TANK: variants seen among roughly 807,000 people sequenced by gnomAD.
TANK encodes the protein TRAF family member-associated NF-kappa-B activator.
In TANK, 15 loss-of-function variants were observed where a neutral mutation model predicts 43.6. The observed-to-expected ratio is 0.34, with a 90% CI of 0.23 to 0.53. The LOEUF (loss-of-function observed/expected upper bound fraction) is 0.53, where lower values mean the gene tolerates loss of function less well. Ranked by LOEUF, TANK falls within the 20% of genes least tolerant of loss-of-function variation. TANK has a pLI of 0.94. For missense variants in TANK, 417 were observed against 498.6 expected, an observed-to-expected ratio of 0.84 and a Z score of 1.56; for synonymous variants, 162 against 178.2, an observed-to-expected ratio of 0.91 and a Z score of 0.73.
At chr2:161,163,381 G>A (rs889169906) in intron 1 of TANK, 1 of 152,160 alleles carries the variant, frequency 6.6e-6, no homozygotes, top group African/African-American at 2.4e-5. Context: ...ACTAAGAACA[G>A]CTGCTGTACT....
chr2:161,159,923 T>C (rs1401863743), upstream of TANK, among the ~76,000 whole-genome samples: 1 of 152,156 alleles, frequency 6.6e-6, no homozygotes, highest in African/African-American at 2.4e-5. Flanking sequence ...ATATGTAGTG[T>C]TTCTCAGAGT....
intron 4 of TANK, among the ~76,000 whole-genome samples, chr2:161,205,703 C>T (rs1483007963): frequency 2.0e-5 from 3 of 152,018 alleles, no homozygotes. Flanking sequence ...ATTAATTTGC[C>T]TAAATTTCAA....
intron 4 of TANK, among the ~76,000 whole-genome samples, chr2:161,222,402 T>C (rs1687392663): frequency 6.6e-6 from 1 of 152,138 alleles, no homozygotes; most frequent in African/African-American, 2.4e-5. Context: ...TTATCAAATA[T>C]AAGTATTTTC....
chr2:161,170,850 T>C (rs1344778070), intron 1 of TANK, among the ~76,000 whole-genome samples: 1 of 152,238 alleles, frequency 6.6e-6, no homozygotes, highest in African/African-American at 2.4e-5. Flanking sequence ...ATGTATTGTA[T>C]ACTTCAACTC....
chr2:161,210,710 A>C (rs1031643057), intron 4 of TANK, among the ~76,000 whole-genome samples: 3 of 151,930 alleles, frequency 2.0e-5, no homozygotes, highest in Non-Finnish European at 2.9e-5. Flanking sequence ...AAAAAAAAAA[A>C]AAAAGAAATT....
intron 1 of TANK, among the ~76,000 whole-genome samples, chr2:161,164,367 A>G (rs978145985): frequency 2.0e-5 from 3 of 152,070 alleles, no homozygotes; most frequent in Non-Finnish European, 4.4e-5. Flanking sequence ...TTCCTGTAGG[A>G]TTTATGCTGT....
At chr2:161,205,411 A>G (rs1000881175) in intron 4 of TANK, among the ~76,000 whole-genome samples, 6 of 152,074 alleles carry the variant, frequency 3.9e-5, no homozygotes, top group African/African-American at 1.4e-4. Flanking sequence ...TATATAAACA[A>G]TGAAATAAAA....
chr2:161,230,972 A>T lies in TANK; in HGVS notation c.522A>T (p.Glu174Asp), dbSNP rs1386558729. 6.2e-7 allele frequency: 1 copy of T among 1,612,662 alleles called. No individual in the cohort carries two copies. The highest frequency in any genetic ancestry group is 8.5e-7 in the Non-Finnish European group (1 of 1,178,918). ...TCTTTTGTGTTCTTCTCCCTCCAGAAACACAGTGCTCTGTGCCTATACAGT... is the reference window on the plus strand; with the variant it reads ...TCTTTTGTGTTCTTCTCCCTCCAGATACACAGTGCTCTGTGCCTATACAGT... ...SKLNIPDTATETQCSVPIQCT... is the reference protein window; with the variant it reads ...SKLNIPDTATDTQCSVPIQCT... The change falls in exon 7 of 8, where the codon GAA (glutamate) becomes GAT (aspartate). Residue 174 changes from glutamate to aspartate, a missense_variant and splice_region_variant. Transcript: ENST00000392749.
At chr2:161,140,659 T>C (rs1232522783) in intron 1 of TANK, among the ~76,000 whole-genome samples, 1 of 152,182 alleles carries the variant, frequency 6.6e-6, no homozygotes, top group African/African-American at 2.4e-5. Context: ...TTATTCTTTC[T>C]TCTTTTATAA....
At chr2:161,166,360 G>A (rs1056068352) in intron 1 of TANK, among the ~76,000 whole-genome samples, 4 of 152,190 alleles carry the variant, frequency 2.6e-5, no homozygotes, top group Non-Finnish European at 4.4e-5. Context: ...GTCAGTTGGG[G>A]AATTAGCTGC....
chr2:161,173,827 A>G (rs1385047594), intron 1 of TANK, among the ~76,000 whole-genome samples: 1 of 152,150 alleles, frequency 6.6e-6, no homozygotes, highest in Non-Finnish European at 1.5e-5. Context: ...CAATCAGGAT[A>G]CAGCTCAGTT....
At position 161,231,150 on chromosome 2, in the gene TANK, G is replaced by A; in HGVS notation, c.700G>A (p.Val234Ile). The A allele has an allele frequency of 1.2e-6, 2 of 1,614,030 alleles. No individual in the cohort carries two copies. The highest frequency in any genetic ancestry group is 1.1e-5 in the South Asian group (1 of 91,076). The change falls in exon 7 of 8, where the codon GTC (valine) becomes ATC (isoleucine). Residue 234 changes from valine (V) to isoleucine (I), a missense_variant. Coordinates refer to ENST00000392749, the MANE Select transcript of TANK (RefSeq NM_001199135.3). ...TSFESLSKFN[V>I]KFPPMDNDST... is the part of the protein sequence containing the mutation. ...TTTTGAATCACTTTCTAAATTCAAT[G>A]TCAAGTTTCCACCTATGGACAATGA...
chr2:161,208,644 A>G (rs1686751093), intron 4 of TANK, among the ~76,000 whole-genome samples: 1 of 152,058 alleles, frequency 6.6e-6, no homozygotes, highest in Non-Finnish European at 1.5e-5. Flanking sequence ...CAGGATGTGG[A>G]CAAGGACTGC....
chr2:161,170,246 A>G (rs924123704), intron 1 of TANK, among the ~76,000 whole-genome samples: 5 of 152,188 alleles, frequency 3.3e-5, no homozygotes, highest in African/African-American at 1.2e-4. Context: ...AAATTTCTCA[A>G]CAAGAACTTC....
chr2:161,179,832 A>G (rs1354164743), intron 2 of TANK, 71 bp downstream of exon 2: 3 of 1,520,114 alleles, frequency 2.0e-6, no homozygotes, highest in Non-Finnish European at 1.8e-6. Flanking sequence ...TTGCATCTGA[A>G]AAATGTTATA....
At chr2:161,168,329 G>A (rs1338944146) in intron 1 of TANK, among the ~76,000 whole-genome samples, 1 of 152,144 alleles carries the variant, frequency 6.6e-6, no homozygotes, top group Non-Finnish European at 1.5e-5. Flanking sequence ...AACCCAGATA[G>A]TAGAAGTCCC....
intron 4 of TANK, 144 bp downstream of exon 4, chr2:161,204,937 A>G (rs1686581472): frequency 1.4e-6 from 2 of 1,437,092 alleles, no homozygotes; most frequent in Non-Finnish European, 9.1e-7. Flanking sequence ...TTCTAAATAG[A>G]AGAACTATTT....
At chr2:161,155,991 A>G (rs1317066047), upstream of TANK, 1 of 934,206 alleles carries the variant, frequency 1.1e-6, no homozygotes, top group Admixed American at 6.2e-5. Flanking sequence ...TTTAATATTG[A>G]AATTTTTAAC....
upstream of TANK, chr2:161,160,093 T>G: frequency 4.0e-6 from 1 of 246,920 alleles, no homozygotes. Context: ...CTAACTCATA[T>G]ATAGGGTGAT....
Sources: gnomAD v4.1 joint callset for allele counts (sites outside exome capture counted in the v4.1 genomes callset) on GRCh38, gnomAD v4.1.1 for gene constraint, MANE v1.5 for transcripts, NCBI Gene and HGNC (gene_info 2026-07-23, HGNC 2026-07-21) for gene names.